Variants in GPC3 observed in about 807,000 individuals in gnomAD.
GPC3 encodes the protein glypican-3.
In GPC3, 3 loss-of-function variants were observed where a neutral mutation model predicts 34.4. That is an observed-to-expected ratio of 0.09 (90% CI 0.04 to 0.23). The LOEUF (loss-of-function observed/expected upper bound fraction) is 0.23. Among genes scored for constraint, GPC3 ranks in the 10% least tolerant of loss-of-function variants. GPC3 has a pLI of 1.00. For missense variants in GPC3, 351 were observed against 445.6 expected (o/e 0.79, Z 1.91); for synonymous variants, 177 against 174.0 (o/e 1.02, Z -0.13).
At chrX:133,566,590 A>G (rs1319887968) in intron 7 of GPC3, among the ~76,000 whole-genome samples, 1 of 112,165 alleles carries the variant, frequency 8.9e-6, no homozygotes, top group African/African-American at 3.2e-5. Context: ...AAAAACCTAC[A>G]AAGATCACAT....
intron 2 of GPC3, among the ~76,000 whole-genome samples, chrX:133,896,453 T>C (rs1236957595): frequency 9.0e-6 from 1 of 111,645 alleles, no homozygotes; most frequent in Non-Finnish European, 1.9e-5. Context: ...TTTTCTTTGT[T>C]CTCCATCAAA....
At chrX:133,552,189 G>A (rs1414601653) in intron 7 of GPC3, among the ~76,000 whole-genome samples, 1 of 112,309 alleles carries the variant, frequency 8.9e-6, no homozygotes, top group Non-Finnish European at 1.9e-5. Context: ...AACATGGAAT[G>A]AGGGGGTGAA....
intron 3 of GPC3, among the ~76,000 whole-genome samples, chrX:133,716,603 T>C (rs778292295): frequency 3.6e-5 from 4 of 111,925 alleles, no homozygotes; most frequent in Admixed American, 1.9e-4. Context: ...CATTTGAAGA[T>C]AGATCAATTT....
intron 7 of GPC3, among the ~76,000 whole-genome samples, chrX:133,572,709 T>A (rs943432713): frequency 6.3e-5 from 7 of 111,647 alleles, no homozygotes; most frequent in Non-Finnish European, 1.1e-4. Context: ...AAAAATTAGA[T>A]AACCTGGATG....
At chrX:133,739,457 T>C (rs2071543674) in intron 3 of GPC3, among the ~76,000 whole-genome samples, 1 of 111,770 alleles carries the variant, frequency 8.9e-6, no homozygotes, top group Non-Finnish European at 1.9e-5. Flanking sequence ...TTCTGCGAGG[T>C]TGGTATTTTT....
intron 6 of GPC3, among the ~76,000 whole-genome samples, chrX:133,603,969 T>C (rs1255304107): frequency 1.8e-5 from 2 of 111,493 alleles, no homozygotes; most frequent in Non-Finnish European, 3.8e-5. Flanking sequence ...GATCTGTCTA[T>C]ATGGTATAAA....
At chrX:133,741,281 C>CAA (rs151157758) in intron 3 of GPC3, among the ~76,000 whole-genome samples, 28 of 49,557 alleles carry the variant, frequency 5.7e-4, no homozygotes, top group East Asian at 4.1e-3. Context: ...TTGTTTAAGC[C>CAA]AAAAAAAAAA....
At chrX:133,916,401 A>G (rs1464107132) in intron 2 of GPC3, among the ~76,000 whole-genome samples, 2 of 111,766 alleles carry the variant, frequency 1.8e-5, no homozygotes, top group African/African-American at 6.5e-5. Context: ...AGGTCTTAGT[A>G]TTATGGGTGA....
chrX:133,668,596 C>T (rs2070794205), intron 5 of GPC3, among the ~76,000 whole-genome samples: 1 of 109,876 alleles, frequency 9.1e-6, no homozygotes. Flanking sequence ...GGTACTTATA[C>T]TAGCTGTCAG....
chrX:133,656,451 C>T (rs1366751758), intron 6 of GPC3, among the ~76,000 whole-genome samples: 1 of 111,860 alleles, frequency 8.9e-6, no homozygotes, highest in African/African-American at 3.3e-5. Flanking sequence ...ACTTCTAATG[C>T]CCACAGTTTC....
At chrX:133,573,990 C>A (rs2069654393) in intron 7 of GPC3, among the ~76,000 whole-genome samples, 1 of 111,931 alleles carries the variant, frequency 8.9e-6, no homozygotes, top group South Asian at 3.7e-4. Context: ...TAAGCAAAAC[C>A]CCACAATGAA....
At chrX:133,837,947 C>T (rs916623776) in intron 2 of GPC3, among the ~76,000 whole-genome samples, 1 of 111,945 alleles carries the variant, frequency 8.9e-6, no homozygotes, top group Non-Finnish European at 1.9e-5. Context: ...ATATAATGCA[C>T]GACTGGAATT....
intron 2 of GPC3, among the ~76,000 whole-genome samples, chrX:133,926,626 G>A (rs370839291): frequency 7.1e-5 from 8 of 112,254 alleles, no homozygotes; most frequent in East Asian, 2.8e-4. Context: ...ACAGACTGAC[G>A]TCAATGTTTG....
chrX:133,775,553 G>A (rs957499414), intron 2 of GPC3, among the ~76,000 whole-genome samples: 5 of 111,659 alleles, frequency 4.5e-5, no homozygotes, highest in African/African-American at 1.6e-4. Flanking sequence ...CTGTCTAACT[G>A]CTCTAATTGT....
At chrX:133,622,684 C>T (rs944982644) in intron 6 of GPC3, among the ~76,000 whole-genome samples, 6 of 111,861 alleles carry the variant, frequency 5.4e-5, no homozygotes, top group African/African-American at 1.3e-4. Context: ...ACCAAATCTA[C>T]GTCTGACTGG....
In GPC3 at chrX:133,765,278, A is replaced by G. The variant is rs181875167; in HGVS notation, c.338-11102T>C. Among the ~76,000 whole-genome samples the G allele has an allele frequency of 4.5e-5, 5 of 112,197 alleles. No homozygotes were observed. In the East Asian group the frequency reaches 1.4e-3, roughly 31 times the overall value. The stretch of plus-strand genomic sequence containing the variant: ...TTCTACATCTGGCTATTGTTTTCTC[A>G]ACTTGTGAATTTTTTAATAGCGTAT... On this transcript the variant is annotated intron_variant, in intron 2 of 7. Coordinates refer to ENST00000370818, the MANE Select transcript of GPC3 (RefSeq NM_004484.4).
chrX:133,583,292 A>C (rs1603174730), intron 7 of GPC3, among the ~76,000 whole-genome samples: 1 of 111,826 alleles, frequency 8.9e-6, no homozygotes, highest in Non-Finnish European at 1.9e-5. Context: ...TCAAAAGTCC[A>C]TCATGATGTA....
intron 3 of GPC3, among the ~76,000 whole-genome samples, chrX:133,703,980 C>CA (rs1350386073): frequency 8.9e-6 from 1 of 111,823 alleles, no homozygotes; most frequent in African/African-American, 3.2e-5. Flanking sequence ...GAAAAATCAC[C>CA]AAAAAATATC....
intron 6 of GPC3, among the ~76,000 whole-genome samples, chrX:133,626,435 AG>A (rs1441086505): frequency 4.5e-5 from 5 of 111,236 alleles, no homozygotes; most frequent in African/African-American, 1.6e-4. Flanking sequence ...GGTAATATCC[AG>A]AATCTACAAG....
Sources: allele counts gnomAD v4.1 joint callset (sites outside exome capture counted in the v4.1 genomes callset), GRCh38; gene constraint gnomAD v4.1.1; transcripts MANE v1.5; gene names NCBI Gene and HGNC (gene_info 2026-07-23, HGNC 2026-07-21).